Variants in CCND3 observed in about 807,000 individuals in gnomAD.
CCND3 encodes G1/S-specific cyclin-D3.
In CCND3, 9 loss-of-function variants were observed where a neutral mutation model predicts 28.7. That is an observed-to-expected ratio of 0.31 (90% CI 0.19 to 0.55). CCND3 has a LOEUF of 0.55. CCND3 is among the 20% of genes least tolerant of loss of function. The pLI is 0.93. For synonymous variants in CCND3, 164 were observed against 163.9 expected (o/e 1.00, Z 0.00); for missense variants, 315 against 385.8 (o/e 0.82, Z 1.54).
intron 1 of CCND3, among the ~76,000 whole-genome samples, chr6:42,038,249 T>G (rs763687945): frequency 9.9e-5 from 15 of 151,850 alleles, no homozygotes; most frequent in Non-Finnish European, 1.9e-4. Context: ...TTTTTTTAAC[T>G]ATATTAGGGC....
intron 1 of CCND3, among the ~76,000 whole-genome samples, chr6:41,994,477 GACAA>G (rs923869702): frequency 2.6e-5 from 4 of 152,150 alleles, no homozygotes; most frequent in Non-Finnish European, 4.4e-5. Flanking sequence ...GAAAGCATGA[GACAA>G]ACAAACAGAG....
chr6:41,969,447 T>C (rs1761976123), intron 1 of CCND3, among the ~76,000 whole-genome samples: 1 of 151,526 alleles, frequency 6.6e-6, no homozygotes, highest in African/African-American at 2.4e-5. Flanking sequence ...ACCTGGGAGA[T>C]AGAGGTTGAA....
At chr6:41,955,646 C>T in intron 1 of CCND3, among the ~76,000 whole-genome samples, 1 of 120,042 alleles carries the variant, frequency 8.3e-6, no homozygotes, top group Admixed American at 9.6e-5. Context: ...GTGACCCTAT[C>T]TCTACAAAAA....
chr6:42,008,990 C>T (rs1441965268), intron 1 of CCND3, among the ~76,000 whole-genome samples: 3 of 152,184 alleles, frequency 2.0e-5, no homozygotes, highest in Non-Finnish European at 4.4e-5. Flanking sequence ...AACATGCAGA[C>T]AGAGAGGGTC....
chr6:41,940,528 C>G lies in CCND3; in HGVS notation c.256G>C (p.Asp86His), dbSNP rs745309717. The G allele has an allele frequency of 1.2e-6, 2 of 1,613,966 alleles. No homozygotes were observed. Among genetic ancestry groups the G allele is most frequent in the South Asian group, 1.1e-5 (1 of 91,076 alleles). The change falls in exon 2 of 5, where the codon GAT (aspartate) becomes CAT (histidine). Residue 86 changes from aspartate (D) to histidine (H), a missense_variant. Asp to His is a moderately conservative substitution (Grantham distance 81, BLOSUM62 -1). Transcript: ENST00000372991. Reference sequence around the variant, plus strand: ...GTGGGGACGCAAGACAGGTAGCGATCCAGGTAGTTCATGGCCAGGGGGAAG... The same window carrying G: ...GTGGGGACGCAAGACAGGTAGCGATGCAGGTAGTTCATGGCCAGGGGGAAG... ...EVFPLAMNYL[D>H]RYLSCVPTRK...
At chr6:41,959,684 C>A in intron 1 of CCND3, among the ~76,000 whole-genome samples, 1 of 151,392 alleles carries the variant, frequency 6.6e-6, no homozygotes, top group Non-Finnish European at 1.5e-5. Flanking sequence ...AAGACTAAAT[C>A]AGGCCAGGCG....
intron 1 of CCND3, among the ~76,000 whole-genome samples, chr6:41,972,240 A>AAGAAAAGAAAAG (rs1554162053): frequency 1.0e-5 from 1 of 99,738 alleles, no homozygotes. Flanking sequence ...AAAAAAAAAA[A>AAGAAAAGAAAAG]AAAAGAAAAG....
At chr6:41,987,688 G>T (rs1190798060) in intron 1 of CCND3, among the ~76,000 whole-genome samples, 1 of 151,044 alleles carries the variant, frequency 6.6e-6, no homozygotes, top group African/African-American at 2.4e-5. Context: ...TTTTAATAGA[G>T]AGGGGGTCTT....
intron 1 of CCND3, among the ~76,000 whole-genome samples, chr6:41,947,536 C>T (rs1357467100): frequency 6.6e-6 from 1 of 152,210 alleles, no homozygotes; most frequent in Admixed American, 6.5e-5. Context: ...ACTCCTCTTT[C>T]TCAAATCCCA....
In CCND3 at chr6:41,935,233, G is replaced by A; in HGVS notation, c.*707C>T. ...AGGGAGGAAAACAGCAACCACCAGGGTTACCACCACTTGTGGGATGGCCAG... is the reference window on the plus strand; with the variant it reads ...AGGGAGGAAAACAGCAACCACCAGGATTACCACCACTTGTGGGATGGCCAG... On this transcript the variant is annotated 3_prime_UTR_variant, in exon 5 of 5. Coordinates refer to ENST00000372991, the MANE Select transcript of CCND3 (RefSeq NM_001760.5). 4.3e-6 allele frequency: 1 copy of A among 233,694 alleles called. No individual in the cohort carries two copies. Among genetic ancestry groups the A allele is most frequent in the Admixed American group, 5.6e-5 (1 of 17,800 alleles). The allele number at this position is 233,694 out of a possible 1,614,324, so 14.5% of individuals were successfully genotyped here.
chr6:41,975,442 C>A (rs568173391), intron 1 of CCND3, among the ~76,000 whole-genome samples: 3 of 152,288 alleles, frequency 2.0e-5, no homozygotes, highest in African/African-American at 7.2e-5. Context: ...TCCAGAGTGG[C>A]CCTACTCCCA....
Position 41,959,144 on chromosome 6 carries a change from A to G in CCND3, c.-45-18559T>C, listed in dbSNP as rs575009700. ...AGCCTGACCAACATGGAGAAACCCCATCTCTACTAAAAATACGAAATTAGC... is the reference window on the plus strand; with the variant it reads ...AGCCTGACCAACATGGAGAAACCCCGTCTCTACTAAAAATACGAAATTAGC... On this transcript the variant is annotated intron_variant, in intron 1 of 4. Coordinates refer to the CCND3 transcript ENST00000372988. Among the ~76,000 whole-genome samples, 9 of 152,162 alleles carry G rather than the reference A, an allele frequency of 5.9e-5. No homozygotes were observed. The East Asian group carries it at 1.7e-3, about 29-fold the overall frequency.
At position 41,958,000 on chromosome 6, in the gene CCND3, C is replaced by CTTTTTTT. The variant is rs536258560; in HGVS notation, c.-45-17422_-45-17416dup. ...AAACTTTACCTTACTTTATCTTTAT[C>CTTTTTTT]TTTTTTTTTTTTTTTTGAGACAGAA... On this transcript the variant is annotated intron_variant, in intron 1 of 4. Transcript: ENST00000372988. 2.8e-4 allele frequency among the ~76,000 whole-genome samples: 35 copies of CTTTTTTT among 127,018 alleles called. 3 individuals are homozygous for CTTTTTTT. The highest frequency in any genetic ancestry group is 7.0e-4 in the East Asian group (3 of 4,294). The allele number at this position is 127,018 out of a possible 152,430, so 83.3% of individuals were successfully genotyped here.
intron 1 of CCND3, among the ~76,000 whole-genome samples, chr6:41,988,826 A>G (rs1167523743): frequency 3.3e-5 from 5 of 149,538 alleles, no homozygotes; most frequent in Non-Finnish European, 4.4e-5. Context: ...AGGCTCCCGA[A>G]TAGCTGGGAC....
intron 1 of CCND3, among the ~76,000 whole-genome samples, chr6:41,958,968 G>T (rs1228658713): frequency 6.6e-6 from 1 of 152,126 alleles, no homozygotes; most frequent in Non-Finnish European, 1.5e-5. Flanking sequence ...CCACTTCTAG[G>T]TATACACCAT....
intron 1 of CCND3, among the ~76,000 whole-genome samples, chr6:42,036,096 G>A (rs1033429667): frequency 6.7e-6 from 1 of 149,124 alleles, no homozygotes. Flanking sequence ...GGGTTCAAGC[G>A]ATTCTGCTGC....
At chr6:41,993,585 AT>A (rs1762715932) in intron 1 of CCND3, among the ~76,000 whole-genome samples, 1 of 150,848 alleles carries the variant, frequency 6.6e-6, no homozygotes, top group African/African-American at 2.4e-5. Flanking sequence ...TAATTTCTGT[AT>A]TTTCAATACA....
chr6:42,049,791 C>A (rs1282740769), upstream of CCND3: 1 of 152,304 alleles, frequency 6.6e-6, no homozygotes, highest in Non-Finnish European at 1.5e-5. Flanking sequence ...GCTGGATGCT[C>A]CAGGGTTTCC....
chr6:42,030,403 T>TA (rs1210606537), intron 1 of CCND3, among the ~76,000 whole-genome samples: 1 of 152,128 alleles, frequency 6.6e-6, no homozygotes, highest in Non-Finnish European at 1.5e-5. Context: ...GAGCTGGGGA[T>TA]ACCCCTAGAT....
Sources: gnomAD v4.1 joint callset for allele counts (sites outside exome capture counted in the v4.1 genomes callset) on GRCh38, gnomAD v4.1.1 for gene constraint, MANE v1.5 for transcripts, NCBI Gene and HGNC (gene_info 2026-07-23, HGNC 2026-07-21) for gene names.